The following HERC2 variants were observed in gnomAD, a reference collection of about 807,000 sequenced individuals.
HERC2 encodes HECT and RLD domain containing E3 ubiquitin protein ligase 2, also known as E3 ubiquitin-protein ligase HERC2.
HERC2 carries 102 observed loss-of-function variants against 537.7 expected under a neutral mutation model. The observed-to-expected ratio is 0.19, with a 90% CI of 0.16 to 0.22. The LOEUF (loss-of-function observed/expected upper bound fraction) is 0.22, where lower values mean the gene tolerates loss of function less well. Ranked by LOEUF, HERC2 falls within the 10% of genes least tolerant of loss-of-function variation. The probability of loss-of-function intolerance (pLI) is 1.00; values close to 1 mark genes in which losing one functional copy is unlikely to be tolerated. For missense variants in HERC2, 4,236 were observed against 6,198.2 expected (o/e 0.68, Z 10.63); for synonymous variants, 2,224 against 2,466.2 (o/e 0.90, Z 2.91).
At position 28,236,988 on chromosome 15, in the gene HERC2, C is replaced by G. The variant is rs1902530459; in HGVS notation, c.3978G>C (p.Leu1326=). The stretch of plus-strand genomic sequence containing the variant: ...TGGCACATTCAATCTCGACAGGAGA[C>G]AGCGGTGTGCTCATTGCCAAATACG... ...HASYLAMSTP[L]SPVEIECAKW... Residue 1326 remains leucine (L), a synonymous_variant, in exon 26 of 93, where the codon CTG becomes CTC. Transcript: ENST00000261609. The G allele has an allele frequency of 1.2e-6, 2 of 1,611,928 alleles. No homozygotes were observed. Among genetic ancestry groups the G allele is most frequent in the Non-Finnish European group, 1.7e-6 (2 of 1,179,778 alleles).
chr15:28,144,046 A>G (rs1891489563), intron 73 of HERC2, 31 bp downstream of exon 73: 3 of 1,614,168 alleles, frequency 1.9e-6, no homozygotes, highest in Non-Finnish European at 2.5e-6. Context: ...CCAAGCAGGA[A>G]GACAGATGTA....
chr15:28,168,535 G>A lies in HERC2; in HGVS notation c.10285C>T (p.Pro3429Ser). ...GAAGGGGCCGCCGAGGAGAACGAGG[G>A]GCACTCCACCGGGGCGATCATGGCG... ...PAAMIAPVEC[P>S]SFSSAAPSDA... The change falls in exon 67 of 93, where the codon CCC becomes TCC. Residue 3429 changes from proline (P) to serine (S), a missense_variant. Pro to Ser is a moderately conservative substitution (Grantham distance 74). Coordinates refer to ENST00000261609, the MANE Select transcript of HERC2 (RefSeq NM_004667.6). 6.2e-7 allele frequency: 1 copy of A among 1,614,188 alleles called. No individual in the cohort carries two copies. Among genetic ancestry groups the A allele is most frequent in the Non-Finnish European group, 8.5e-7 (1 of 1,180,024 alleles).
At chr15:28,251,462 T>C (rs2075078291) in intron 20 of HERC2, among the ~76,000 whole-genome samples, 1 of 137,168 alleles carries the variant, frequency 7.3e-6, no homozygotes, top group Admixed American at 7.3e-5. Context: ...AAATTGTCCT[T>C]AGTCACATTA....
At chr15:28,129,780 CTT>C (rs36068402) in intron 83 of HERC2, among the ~76,000 whole-genome samples, 7 of 143,512 alleles carry the variant, frequency 4.9e-5, no homozygotes, top group African/African-American at 7.7e-5. Flanking sequence ...CCTCTGCCTC[CTT>C]TTTTTTTTTT....
rs1315661465 is a variant in HERC2 at position 28,130,230 on chromosome 15, C to T, written c.12735G>A (p.Gly4245=). 6.2e-7 allele frequency: 1 copy of T among 1,614,092 alleles called. No individual in the cohort carries two copies. The highest frequency in any genetic ancestry group is 1.3e-5 in the African/African-American group (1 of 74,926). The change falls in exon 83 of 93, where the codon GGG becomes GGA. Residue 4245 remains glycine (G), a synonymous_variant. Transcript: ENST00000261609. The part of the protein sequence containing the change: ...DHVRRPRQVQ[G]LQGKKVIAIA... ...TGGCGATGACTTTCTTCCCCTGCAA[C>T]CCTTGGACCTGCCGAGGCCTTCGAA...
At position 28,176,837 on chromosome 15, in the gene HERC2, A is replaced by T. The variant is rs756683751; in HGVS notation, c.9433-69T>A. 29 of 1,587,946 alleles carry T rather than the reference A, an allele frequency of 1.8e-5. No individual in the cohort carries two copies. The highest frequency in any genetic ancestry group is 2.4e-5 in the Non-Finnish European group (28 of 1,159,752). ...GAGAAAGCAATGGATTTTCCCACAG[A>T]TAAAGCCAACCATGCACACATCTTT... On this transcript the variant is annotated intron_variant, in intron 61 of 92. Transcript: ENST00000261609. The surrounding 1 kb of genome is among the most constrained non-coding windows in gnomAD (Gnocchi z 5.0).
intron 3 of HERC2, among the ~76,000 whole-genome samples, chr15:28,297,911 C>T (rs1323713219): frequency 1.4e-5 from 2 of 148,000 alleles, no homozygotes; most frequent in African/African-American, 5.0e-5. Flanking sequence ...GTGAGACAAA[C>T]GGTGGATGGA....
chr15:28,281,775 T>C (rs2076025770), intron 4 of HERC2, among the ~76,000 whole-genome samples: 1 of 152,196 alleles, frequency 6.6e-6, no homozygotes, highest in Non-Finnish European at 1.5e-5. Flanking sequence ...GCAGTGCCCC[T>C]GCCCTTCTCA....
intron 55 of HERC2, 28 bp from the exon 56 acceptor site, chr15:28,186,780 C>G: frequency 6.5e-7 from 1 of 1,546,158 alleles, no homozygotes; most frequent in Non-Finnish European, 8.9e-7. Context: ...GATCTATAGA[C>G]TCTGTAGAAT....
At chr15:28,201,880 C>A (rs988664442) in intron 47 of HERC2, among the ~76,000 whole-genome samples, 1 of 152,122 alleles carries the variant, frequency 6.6e-6, no homozygotes, top group African/African-American at 2.4e-5. Flanking sequence ...GATGTTTGAA[C>A]AAGGGTCTGT....
rs1897903941 is a variant in HERC2 at position 28,201,498 on chromosome 15, C to G, written c.7674G>C (p.Leu2558Phe). The G allele has an allele frequency of 1.2e-6, 2 of 1,613,452 alleles. No individual in the cohort carries two copies. The highest frequency in any genetic ancestry group is 4.5e-5 in the East Asian group (2 of 44,870). ...CATATACAGCATAATCATCATTACT[C>G]AAGAAATCAGCTCGTTTTTTGTACG... is the stretch of plus-strand genomic sequence containing the variant. Reference protein sequence around the residue: ...SQTYKKRADFLSNDDYAVYVR... With the variant: ...SQTYKKRADFFSNDDYAVYVR... The change falls in exon 48 of 93, where the codon TTG becomes TTC. Residue 2558 changes from leucine (L) to phenylalanine (F), a missense_variant. Leu to Phe is a conservative substitution (Grantham distance 22). Coordinates refer to ENST00000261609, the MANE Select transcript of HERC2 (RefSeq NM_004667.6).
intron 2 of HERC2, among the ~76,000 whole-genome samples, chr15:28,303,417 T>G (rs1234397115): frequency 1.3e-5 from 2 of 152,252 alleles, no homozygotes; most frequent in Admixed American, 1.3e-4. Context: ...TCTAGTAAAC[T>G]TTGCACTTGA....
rs761489137 is a variant in HERC2, at chr15:28,260,835, G to A, written c.2258C>T (p.Ala753Val). Residue 753 changes from alanine to valine, a missense_variant, in exon 16 of 93, where the codon GCA becomes GTA. By Grantham distance (64) the Ala-to-Val change is moderately conservative. Transcript: ENST00000261609. ...DTLRVTKPEP[A>V]ALPGLDTKHI... ...TTTGGTGTCCAGTCCTGGCAATGCT[G>A]CAGGTTCTGGCTTGGTCACGCGCAA... 1.2e-6 allele frequency: 2 copies of A among 1,614,222 alleles called. No individual in the cohort carries two copies. The highest frequency in any genetic ancestry group is 1.7e-6 in the Non-Finnish European group (2 of 1,180,032).
chr15:28,226,991 C>T (rs1049104930), intron 35 of HERC2, among the ~76,000 whole-genome samples: 1 of 152,120 alleles, frequency 6.6e-6, no homozygotes, highest in African/African-American at 2.4e-5. Context: ...AAAGGAGAAA[C>T]GGGCTGGGCG....
intron 5 of HERC2, among the ~76,000 whole-genome samples, chr15:28,277,441 T>G (rs2141030352): frequency 6.7e-6 from 1 of 150,006 alleles, no homozygotes; most frequent in African/African-American, 2.5e-5. Context: ...TTCTTACAAC[T>G]GTATGTGAAT....
intron 78 of HERC2, among the ~76,000 whole-genome samples, chr15:28,139,303 C>T (rs1305765702): frequency 6.6e-6 from 1 of 152,220 alleles, no homozygotes; most frequent in Admixed American, 6.5e-5. Flanking sequence ...GTCTCCTCCA[C>T]TCTCTCTTGC....
At chr15:28,255,330 T>A (rs528641377) in intron 19 of HERC2, among the ~76,000 whole-genome samples, 1 of 151,470 alleles carries the variant, frequency 6.6e-6, no homozygotes, top group South Asian at 2.1e-4. Flanking sequence ...CAAGACGCTG[T>A]CTCAAAAAAA....
chr15:28,271,134 A>G (rs1438093903), intron 9 of HERC2, among the ~76,000 whole-genome samples: 6 of 152,224 alleles, frequency 3.9e-5, no homozygotes, highest in African/African-American at 1.2e-4. Flanking sequence ...GGATCCACAC[A>G]GATTACTAAC....
At chr15:28,125,268 C>T in intron 83 of HERC2, 75 bp from the exon 84 acceptor site, 1 of 1,190,320 alleles carries the variant, frequency 8.4e-7, no homozygotes, top group Admixed American at 1.7e-5. Context: ...GTCTTCCCAC[C>T]ACACACAGCA....
Sources: gnomAD v4.1 joint callset for allele counts (sites outside exome capture counted in the v4.1 genomes callset) on GRCh38, gnomAD v4.1.1 for gene constraint, Gnocchi (gnomAD v3.1) non-coding constraint, MANE v1.5 for transcripts, NCBI Gene and HGNC (gene_info 2026-07-23, HGNC 2026-07-21) for gene names.